BFSP2: variants seen among roughly 807,000 people sequenced by gnomAD.
The protein encoded by BFSP2 is beaded filament structural protein 2, also known as phakinin.
A neutral mutation model predicts 44.9 loss-of-function variants in BFSP2; 38 were observed. That is an observed-to-expected ratio of 0.85 (90% CI 0.65 to 1.11). The LOEUF (loss-of-function observed/expected upper bound fraction) is 1.11, where lower values mean the gene tolerates loss of function less well. Ranked by LOEUF, BFSP2 falls within the 50% of genes least tolerant of loss-of-function variation. The pLI is 0.00. For synonymous variants in BFSP2, 197 were observed against 209.9 expected, an observed-to-expected ratio of 0.94 and a Z score of 0.53; for missense variants, 525 against 533.0, an observed-to-expected ratio of 0.99 and a Z score of 0.15.
intron 1 of BFSP2, among the ~76,000 whole-genome samples, chr3:133,441,469 A>G (rs1270347719): frequency 6.6e-6 from 1 of 152,184 alleles, no homozygotes; most frequent in Non-Finnish European, 1.5e-5. Flanking sequence ...AAGCTGGATA[A>G]TGGAGTGGGA....
chr3:133,414,947 C>CT (rs2073501059), intron 1 of BFSP2, among the ~76,000 whole-genome samples: 2 of 141,928 alleles, frequency 1.4e-5, no homozygotes, highest in African/African-American at 2.7e-5. Flanking sequence ...CTCTACTCAC[C>CT]CTGCCATCTC....
chr3:133,438,569 A>G (rs557411371), intron 1 of BFSP2, among the ~76,000 whole-genome samples: 13 of 152,266 alleles, frequency 8.5e-5, no homozygotes, highest in African/African-American at 2.9e-4. Context: ...AGAAAAGGTG[A>G]AAGTGCTGAC....
At chr3:133,472,011 C>T (rs565955035) in intron 5 of BFSP2, among the ~76,000 whole-genome samples, 1 of 152,086 alleles carries the variant, frequency 6.6e-6, no homozygotes, top group South Asian at 2.1e-4. Flanking sequence ...TCATTTGTCT[C>T]TCTCAATCCC....
At chr3:133,444,672 C>T (rs185322928) in intron 1 of BFSP2, among the ~76,000 whole-genome samples, 2 of 152,182 alleles carry the variant, frequency 1.3e-5, no homozygotes, top group East Asian at 3.9e-4. Flanking sequence ...TAATTGTTTT[C>T]CCTCACTCTC....
chr3:133,400,342 G>T lies in BFSP2; in HGVS notation c.259G>T (p.Gly87Cys), dbSNP rs779814177. ...CGGCATCAGCAGTGTCTTCCTTCAG[G>T]GCCTGCGGAGCTCAGGCCTGGCCAC... ...ALGISSVFLQ[G>C]LRSSGLATVP... The change falls in exon 1 of 7, where the codon GGC becomes TGC. Residue 87 changes from glycine to cysteine, a missense_variant. Transcript: ENST00000302334. This position sits in a 1 kb window ranked among gnomAD's most constrained non-coding sequence, Gnocchi z 4.0. 5 of 1,614,032 alleles carry T rather than the reference G, an allele frequency of 3.1e-6. No individual in the cohort carries two copies. Among genetic ancestry groups the T allele is most frequent in the Non-Finnish European group, 4.2e-6 (5 of 1,180,038 alleles).
At position 133,424,000 on chromosome 3, in the gene BFSP2, G is replaced by A. The variant is rs534324912; in HGVS notation, c.490-23317G>A. Among the ~76,000 whole-genome samples, 7 of 150,670 alleles carry A rather than the reference G, an allele frequency of 4.6e-5. No individual in the cohort carries two copies. In the South Asian group the frequency reaches 1.5e-3, roughly 32 times the overall value. ...AAATTTCATTTTCCCCTGAGACTTT[G>A]CATATATCGACCAGCTAGTCTGTTT... On this transcript the variant is annotated intron_variant, in intron 1 of 6. Coordinates refer to ENST00000302334, the MANE Select transcript of BFSP2 (RefSeq NM_003571.4).
At chr3:133,416,397 G>T (rs2073530020) in intron 1 of BFSP2, among the ~76,000 whole-genome samples, 2 of 103,492 alleles carry the variant, frequency 1.9e-5, no homozygotes, top group South Asian at 3.5e-4. Context: ...ACTCACCCCT[G>T]CCCTTTCCCC....
intron 6 of BFSP2, among the ~76,000 whole-genome samples, chr3:133,473,801 A>C (rs1215614933): frequency 6.6e-6 from 1 of 152,124 alleles, no homozygotes; most frequent in Non-Finnish European, 1.5e-5. Context: ...ACAGGATCCC[A>C]AGGCAGAAGA....
intron 1 of BFSP2, among the ~76,000 whole-genome samples, chr3:133,401,063 G>A (rs1373868202): frequency 2.0e-5 from 3 of 152,196 alleles, no homozygotes; most frequent in Non-Finnish European, 4.4e-5. Flanking sequence ...AAATGGAGGT[G>A]TGTTCCTGTA....
chr3:133,403,529 CAG>C (rs2073379260), intron 1 of BFSP2, among the ~76,000 whole-genome samples: 1 of 152,184 alleles, frequency 6.6e-6, no homozygotes, highest in Admixed American at 6.5e-5. Flanking sequence ...GGGCCCCAAA[CAG>C]AGAATCCAAG....
Position 133,465,163 on chromosome 3 carries a change from C to T in BFSP2, c.892-1665C>T, listed in dbSNP as rs189770624. On this transcript the variant is annotated intron_variant, in intron 4 of 6. Coordinates refer to ENST00000302334, the MANE Select transcript of BFSP2 (RefSeq NM_003571.4). ...GGACTACAGGCTCACGCTACCATCA[C>T]GCCTGGCTAATTTTTGTATTTTTAG... Among the ~76,000 whole-genome samples the T allele has an allele frequency of 6.6e-4, 101 of 152,128 alleles. No homozygotes were observed. In the Middle Eastern group the frequency reaches 0.014, roughly 20 times the overall value.
At chr3:133,429,825 T>A (rs966761727) in intron 1 of BFSP2, 12 of 152,162 alleles carry the variant, frequency 7.9e-5, no homozygotes, top group Admixed American at 7.8e-4. Context: ...TACATATGTA[T>A]ACATGTGCCA....
intron 1 of BFSP2, among the ~76,000 whole-genome samples, chr3:133,439,099 C>T (rs1426288000): frequency 6.6e-6 from 1 of 152,190 alleles, no homozygotes; most frequent in African/African-American, 2.4e-5. Flanking sequence ...CCACTTACTT[C>T]AGATGTAGGG....
chr3:133,469,766 T>A (rs764929868), intron 5 of BFSP2, among the ~76,000 whole-genome samples: 16 of 152,124 alleles, frequency 1.1e-4, no homozygotes, highest in Non-Finnish European at 2.2e-4. Flanking sequence ...GGGACTTAGG[T>A]GGGGAAGCTG....
Position 133,442,311 on chromosome 3 carries a change from GT to G in BFSP2, c.490-4999del, listed in dbSNP as rs374215706. On this transcript the variant is annotated intron_variant, in intron 1 of 6. Coordinates refer to ENST00000302334, the MANE Select transcript of BFSP2 (RefSeq NM_003571.4). Reference sequence around the variant, plus strand: ...ACATCATGACACCTGGATAAATTCTGTTTTTTTGTTTTGTTTTGTTTTTTGG... The same window carrying G: ...ACATCATGACACCTGGATAAATTCTGTTTTTTGTTTTGTTTTGTTTTTTGG... Among the ~76,000 whole-genome samples the G allele has an allele frequency of 8.5e-5, 13 of 152,094 alleles. No individual in the cohort carries two copies. The East Asian group carries it at 1.5e-3, about 18-fold the overall frequency.
Position 133,475,020 on chromosome 3 carries a change from C to G in BFSP2, c.*48C>G. The G allele has an allele frequency of 6.2e-7, 1 of 1,611,342 alleles. No homozygotes were observed. Among genetic ancestry groups the G allele is most frequent in the Non-Finnish European group, 8.5e-7 (1 of 1,177,460 alleles). ...TGAAGAAAACACCCTTCCTCAACAG[C>G]TGACCCAAGAAGTTGCTTGAGGAGC... is the stretch of plus-strand genomic sequence containing the variant. On this transcript the variant is annotated 3_prime_UTR_variant, in exon 7 of 7. Coordinates refer to ENST00000302334, the MANE Select transcript of BFSP2 (RefSeq NM_003571.4).
At chr3:133,443,378 G>A (rs1052624441) in intron 1 of BFSP2, among the ~76,000 whole-genome samples, 22 of 152,106 alleles carry the variant, frequency 1.4e-4, no homozygotes, top group Non-Finnish European at 2.4e-4. Flanking sequence ...GAAGCACCAA[G>A]ACCCAATCTT....
intron 1 of BFSP2, among the ~76,000 whole-genome samples, chr3:133,429,887 T>C (rs1305264329): frequency 2.6e-5 from 4 of 151,866 alleles, no homozygotes; most frequent in South Asian, 2.1e-4. Context: ...GTATATCTCC[T>C]AATGCTATCC....
chr3:133,443,364 A>G (rs1001023086), intron 1 of BFSP2, among the ~76,000 whole-genome samples: 11 of 152,240 alleles, frequency 7.2e-5, no homozygotes, highest in African/African-American at 2.2e-4. Context: ...GTGATTAAAA[A>G]AAAGAAGCAC....
Sources: gnomAD v4.1 joint callset for allele counts (sites outside exome capture counted in the v4.1 genomes callset) on GRCh38, gnomAD v4.1.1 for gene constraint, Gnocchi (gnomAD v3.1) non-coding constraint, MANE v1.5 for transcripts, NCBI Gene and HGNC (gene_info 2026-07-23, HGNC 2026-07-21) for gene names.